DDX47: variants seen among roughly 807,000 people sequenced by gnomAD.
DDX47 encodes probable ATP-dependent RNA helicase DDX47.
In DDX47, 60 loss-of-function variants were observed where a neutral mutation model predicts 58.8. The observed-to-expected ratio is 1.02, with a 90% CI of 0.83 to 1.26. The LOEUF (loss-of-function observed/expected upper bound fraction) is 1.26. DDX47 is among the 50% of genes most tolerant of loss of function. The pLI is 0.00. For synonymous variants in DDX47, 197 were observed against 204.6 expected, an observed-to-expected ratio of 0.96 and a Z score of 0.32; for missense variants, 530 against 573.2, an observed-to-expected ratio of 0.92 and a Z score of 0.77.
intron 7 of DDX47, chr12:12,823,575 TC>T: frequency 1.8e-6 from 1 of 553,470 alleles, no homozygotes; most frequent in Non-Finnish European, 3.2e-6. Context: ...AGGTAATTTT[TC>T]CTTTGTCTGC....
Position 12,821,292 on chromosome 12 carries a change from C to T in DDX47, c.266C>T (p.Thr89Ile), listed in dbSNP as rs148567159. ...CCCATTCTAAACGCACTGCTGGAGACCCCGCAGCGTTTGTTTGCCCTAGTT... is the reference window on the plus strand; with the variant it reads ...CCCATTCTAAACGCACTGCTGGAGATCCCGCAGCGTTTGTTTGCCCTAGTT... ...ALPILNALLE[T>I]PQRLFALVLT... Residue 89 changes from threonine to isoleucine, a missense_variant, in exon 3 of 12, where the codon ACC becomes ATC. Thr to Ile is a moderately conservative substitution (Grantham distance 89). Coordinates refer to ENST00000358007, the MANE Select transcript of DDX47 (RefSeq NM_016355.4). The T allele has an allele frequency of 3.1e-6, 5 of 1,614,202 alleles. No homozygotes were observed. Among genetic ancestry groups the T allele is most frequent in the East Asian group, 2.2e-5 (1 of 44,882 alleles).
rs544627032 is a variant in DDX47 at position 12,828,177 on chromosome 12, C to T, written c.1236+802C>T. On this transcript the variant is annotated intron_variant, in intron 11 of 11. Transcript: ENST00000358007. ...CCAGCAATCCAAAATTTTTTGAGTGCGAAAAGGATTGCCGCAAGTGGAAAA... is the reference window on the plus strand; with the variant it reads ...CCAGCAATCCAAAATTTTTTGAGTGTGAAAAGGATTGCCGCAAGTGGAAAA... 9.4e-4 allele frequency among the ~76,000 whole-genome samples: 143 copies of T among 152,052 alleles called. 1 individual carries two copies. In the Middle Eastern group the frequency reaches 0.02, roughly 22 times the overall value.
chr12:12,823,733 G>C (rs1158338292), intron 7 of DDX47, 137 bp from the exon 8 acceptor site: 3 of 811,704 alleles, frequency 3.7e-6, no homozygotes. Context: ...GCTGGTTAAG[G>C]AATGCAAAGC....
intron 10 of DDX47, 88 bp downstream of exon 10, chr12:12,826,158 C>A: frequency 9.8e-7 from 1 of 1,022,150 alleles, no homozygotes; most frequent in Non-Finnish European, 1.5e-6. Context: ...CTACCATTTA[C>A]TACACTAATC....
intron 2 of DDX47, among the ~76,000 whole-genome samples, chr12:12,818,337 C>T (rs982984949): frequency 7.2e-5 from 11 of 152,058 alleles, no homozygotes; most frequent in Non-Finnish European, 1.3e-4. Flanking sequence ...CCAGCTAACA[C>T]GGTGAAACCC....
At chr12:12,827,012 C>T (rs759381873) in intron 10 of DDX47, among the ~76,000 whole-genome samples, 2 of 152,182 alleles carry the variant, frequency 1.3e-5, no homozygotes, top group South Asian at 2.1e-4. Flanking sequence ...CTGCTTTGAC[C>T]TCCCAAAGCG....
rs1264684956 is a variant in DDX47 at position 12,821,238 on chromosome 12, GCT to G, written c.215_216del (p.Ser72TrpfsTer41). The G allele has an allele frequency of 3.7e-6, 6 of 1,614,094 alleles. No individual in the cohort carries two copies. Among genetic ancestry groups the G allele is most frequent in the Non-Finnish European group, 5.1e-6 (6 of 1,180,052 alleles). ...GATATCATTGGGCTTGCAGAAACTG[GCT>G]CTGGAAAGACAGGCGCCTTTGCTTT... On this transcript the variant is annotated frameshift_variant, in exon 3 of 12. Coordinates refer to ENST00000358007, the MANE Select transcript of DDX47 (RefSeq NM_016355.4). LOFTEE classifies it high-confidence loss of function.
Position 12,813,387 on chromosome 12 carries a change from A to G in DDX47, c.20A>G (p.His7Arg), listed in dbSNP as rs1862843138. The change falls in exon 1 of 12, where the codon CAC becomes CGC. Residue 7 changes from histidine (H) to arginine (R), a missense_variant. Transcript: ENST00000358007. MAAPEE[H>R]DSPTEASQPI... The stretch of plus-strand genomic sequence containing the variant: ...CACAAGATGGCGGCACCCGAGGAAC[A>G]CGATTCTCCGACCGAAGCGTCCCAG... The G allele has an allele frequency of 3.1e-6, 5 of 1,613,464 alleles. No individual in the cohort carries two copies. The highest frequency in any genetic ancestry group is 1.6e-4 in the Middle Eastern group (1 of 6,084).
intron 7 of DDX47, 194 bp downstream of exon 7, chr12:12,823,513 C>A (rs971983229): frequency 3.4e-6 from 2 of 587,730 alleles, no homozygotes; most frequent in African/African-American, 3.7e-5. Context: ...CATTAAATCA[C>A]AATACTGAGG....
chr12:12,819,345 G>A (rs1000494904), intron 2 of DDX47, among the ~76,000 whole-genome samples: 1 of 150,026 alleles, frequency 6.7e-6, no homozygotes, highest in Non-Finnish European at 1.5e-5. Context: ...AATCATCTAT[G>A]GAGCTTTTTT....
At chr12:12,827,620 G>A (rs1178235188) in intron 11 of DDX47, among the ~76,000 whole-genome samples, 9 of 152,168 alleles carry the variant, frequency 5.9e-5, no homozygotes, top group African/African-American at 1.4e-4. Context: ...TGTGTCGCAC[G>A]TGGTGAGATA....
At chr12:12,819,487 C>CCT (rs1862939609) in intron 2 of DDX47, among the ~76,000 whole-genome samples, 1 of 152,066 alleles carries the variant, frequency 6.6e-6, no homozygotes, top group Admixed American at 6.6e-5. Flanking sequence ...TGAGGAAGTA[C>CCT]CAGTGGTAGG....
In DDX47 at chr12:12,823,258, C is replaced by G. The variant is rs754602251; in HGVS notation, c.689C>G (p.Ser230Cys). 14 of 1,613,842 alleles carry G rather than the reference C, an allele frequency of 8.7e-6. No individual in the cohort carries two copies. In the African/African-American group the frequency reaches 1.9e-4, roughly 22 times the overall value. ...LKNPVKCAVS[S>C]KYQTVEKLQQ... The stretch of plus-strand genomic sequence containing the variant: ...AATCCTGTGAAATGTGCCGTTTCCT[C>G]TAAATACCAGACAGTTGAAAAATTA... The change falls in exon 7 of 12, where the codon TCT becomes TGT. Residue 230 changes from serine to cysteine, a missense_variant. Coordinates refer to ENST00000358007, the MANE Select transcript of DDX47 (RefSeq NM_016355.4).
intron 2 of DDX47, among the ~76,000 whole-genome samples, chr12:12,815,789 T>G (rs1456438244): frequency 6.6e-6 from 1 of 152,172 alleles, no homozygotes; most frequent in Admixed American, 6.5e-5. Context: ...ATTTGAGTGC[T>G]GGGTCAAGGA....
chr12:12,826,097 C>A, intron 10 of DDX47, 27 bp downstream of exon 10: 1 of 1,596,886 alleles, frequency 6.3e-7, no homozygotes, highest in Non-Finnish European at 8.5e-7. Context: ...TAGGGCCGAG[C>A]AATGTAGAGA....
chr12:12,814,483 C>T (rs778748557), intron 2 of DDX47: 1 of 384,414 alleles, frequency 2.6e-6, no homozygotes, highest in Non-Finnish European at 4.9e-6. Context: ...ATATTAACGA[C>T]AATCTTGGTA....
intron 2 of DDX47, among the ~76,000 whole-genome samples, chr12:12,819,859 A>G (rs547528525): frequency 5.0e-4 from 76 of 152,278 alleles, no homozygotes; most frequent in African/African-American, 1.7e-3. Context: ...TCCTGGCCTC[A>G]GTTCAGGCCA....
At chr12:12,824,448 TTA>T (rs1252059309) in intron 8 of DDX47, 90 bp from the exon 9 acceptor site, 1 of 1,439,328 alleles carries the variant, frequency 6.9e-7, no homozygotes, top group Non-Finnish European at 9.4e-7. Context: ...TTTAAAAAAT[TTA>T]TGTCTGTTTG....
rs375365365 is a variant in DDX47 at position 12,824,464 on chromosome 12, T to C, written c.898-76T>C. The C allele has an allele frequency of 5.6e-5, 84 of 1,510,636 alleles. No individual in the cohort carries two copies. The East Asian group carries it at 8.7e-4, about 16-fold the overall frequency. The allele number at this position is 1,510,636 out of a possible 1,614,324, so 93.6% of individuals were successfully genotyped here. A position where few individuals can be genotyped will look rare whatever the true frequency, so the allele number is the denominator to read the frequency against. The stretch of plus-strand genomic sequence containing the variant: ...TTAAAAAATTTATGTCTGTTTGTTC[T>C]CGTGTTTGTCTATTTTGTGTTTTGT... On this transcript the variant is annotated intron_variant, in intron 8 of 11. Transcript: ENST00000358007.
Sources: allele counts gnomAD v4.1 joint callset (sites outside exome capture counted in the v4.1 genomes callset), GRCh38; gene constraint gnomAD v4.1.1; transcripts MANE v1.5; gene names NCBI Gene and HGNC (gene_info 2026-07-23, HGNC 2026-07-21).